EPM2A: variants seen among roughly 807,000 people sequenced by gnomAD.
The protein encoded by EPM2A is EPM2A glucan phosphatase, laforin, also known as laforin.
Under a neutral mutation model 26.5 loss-of-function variants are expected in EPM2A, and 21 were observed. The ratio of observed to expected loss-of-function variants is 0.79; its 90% CI spans 0.56 to 1.14. The LOEUF is 1.14. Ranked by LOEUF, EPM2A falls within the 50% of genes most tolerant of loss-of-function variation. The pLI, the probability that EPM2A is intolerant of heterozygous loss-of-function variation, is 0.00. For synonymous variants in EPM2A, 217 were observed against 177.6 expected (o/e 1.22, Z -1.76); for missense variants, 458 against 440.8 (o/e 1.04, Z -0.35).
chr6:145,601,666 T>C (rs182988535), intron 2 of EPM2A, among the ~76,000 whole-genome samples: 332 of 152,332 alleles, frequency 2.2e-3, no homozygotes, highest in Middle Eastern at 6.8e-3. Context: ...ATTTAGAGTG[T>C]TGTACATCAT....
At chr6:145,661,844 G>A (rs765858797) in intron 2 of EPM2A, among the ~76,000 whole-genome samples, 4 of 151,966 alleles carry the variant, frequency 2.6e-5, no homozygotes, top group African/African-American at 4.8e-5. Flanking sequence ...TGATCAATAC[G>A]TGTGATCACT....
intron 1 of EPM2A, among the ~76,000 whole-genome samples, chr6:145,713,186 G>A (rs764366461): frequency 2.6e-5 from 4 of 152,074 alleles, no homozygotes; most frequent in African/African-American, 9.7e-5. Flanking sequence ...AGCACTGTAC[G>A]AAACTAATGC....
intron 4 of EPM2A, among the ~76,000 whole-genome samples, chr6:145,460,513 C>G (rs955421068): frequency 6.6e-6 from 1 of 152,168 alleles, no homozygotes; most frequent in East Asian, 1.9e-4. Flanking sequence ...GAAAACACCT[C>G]ACACTGGGTT....
chr6:145,396,332 C>A (rs1476673647), intron 4 of EPM2A, among the ~76,000 whole-genome samples: 1 of 152,172 alleles, frequency 6.6e-6, no homozygotes, highest in East Asian at 1.9e-4. Flanking sequence ...CTTCTCCAGA[C>A]TCTCACTATT....
chr6:145,501,932 T>A (rs562185978), intron 3 of EPM2A: 1 of 463,004 alleles, frequency 2.2e-6, no homozygotes, highest in East Asian at 7.0e-5. Context: ...AGGCTTAGAC[T>A]GGAAGACTTT....
At chr6:145,392,446 G>A (rs1778350795) in intron 4 of EPM2A, among the ~76,000 whole-genome samples, 1 of 152,026 alleles carries the variant, frequency 6.6e-6, no homozygotes, top group South Asian at 2.1e-4. Context: ...CTCCTTTAAT[G>A]CCAGCAACAG....
intron 2 of EPM2A, among the ~76,000 whole-genome samples, chr6:145,571,995 C>A (rs1780964596): frequency 6.6e-6 from 1 of 152,164 alleles, no homozygotes; most frequent in Non-Finnish European, 1.5e-5. Context: ...TCTTTGTCAC[C>A]AACTTTTCAA....
chr6:145,458,411 A>C (rs2114714548), intron 4 of EPM2A, among the ~76,000 whole-genome samples: 1 of 152,332 alleles, frequency 6.6e-6, no homozygotes. Flanking sequence ...TCACAGGCAG[A>C]GAACAACCAT....
intron 2 of EPM2A, among the ~76,000 whole-genome samples, chr6:145,568,919 C>G (rs1780919932): frequency 6.6e-6 from 1 of 152,162 alleles, no homozygotes; most frequent in South Asian, 2.1e-4. Context: ...TCAAGCCACT[C>G]TAGTTTGCTG....
chr6:145,554,191 C>T (rs1014691813), intron 2 of EPM2A, among the ~76,000 whole-genome samples: 12 of 151,872 alleles, frequency 7.9e-5, no homozygotes, highest in African/African-American at 2.9e-4. Context: ...AAAACATCCC[C>T]TAACGATGGA....
At position 145,735,298 on chromosome 6, in the gene EPM2A, C is replaced by A; in HGVS notation, c.201G>T (p.Ala67=). 6.8e-7 allele frequency: 1 copy of A among 1,477,908 alleles called. No homozygotes were observed. The highest frequency in any genetic ancestry group is 9.0e-7 in the Non-Finnish European group (1 of 1,112,554). 91.5% of individuals were successfully genotyped at this position (1,477,908 alleles called of 1,614,324 possible). The part of the protein sequence containing the change: ...PGLWLGEVEL[A]AEEAAQDGAE... ...CCCCGTCCTGCGCCGCCTCCTCGGCCGCCAGCTCCACCTCCCCGAGCCACA... is the reference window on the plus strand; with the variant it reads ...CCCCGTCCTGCGCCGCCTCCTCGGCAGCCAGCTCCACCTCCCCGAGCCACA... The change falls in exon 1 of 4, where the codon GCG becomes GCT. Residue 67 remains alanine (A), a synonymous_variant. Coordinates refer to ENST00000367519, the MANE Select transcript of EPM2A (RefSeq NM_005670.4).
chr6:145,517,666 A>G (rs1265627757), intron 2 of EPM2A, among the ~76,000 whole-genome samples: 2 of 152,202 alleles, frequency 1.3e-5, no homozygotes, highest in African/African-American at 4.8e-5. Flanking sequence ...CAATATCTTT[A>G]ATATGCTCAG....
chr6:145,455,912 T>C (rs1779257242), intron 4 of EPM2A, among the ~76,000 whole-genome samples: 1 of 152,244 alleles, frequency 6.6e-6, no homozygotes, highest in Non-Finnish European at 1.5e-5. Flanking sequence ...GTTTGAATAT[T>C]CAGTTTTAGA....
chr6:145,458,121 A>G (rs1779284468), intron 4 of EPM2A, among the ~76,000 whole-genome samples: 1 of 152,210 alleles, frequency 6.6e-6, no homozygotes, highest in Non-Finnish European at 1.5e-5. Flanking sequence ...TCATTCTTAG[A>G]GTATTTCAAG....
chr6:145,615,479 T>TG (rs775804085), intron 2 of EPM2A, among the ~76,000 whole-genome samples: 1 of 151,936 alleles, frequency 6.6e-6, no homozygotes, highest in Non-Finnish European at 1.5e-5. Flanking sequence ...TACAGTAAAT[T>TG]GGGGTACCAA....
chr6:145,625,701 T>C lies in EPM2A; in HGVS notation c.*1715A>G, dbSNP rs1392118461. On this transcript the variant is annotated 3_prime_UTR_variant, in exon 4 of 4. Transcript: ENST00000367519. Reference sequence around the variant, plus strand: ...TAAATTTAACTTTGTAAAATTATAGTGGAAATGTGTCCTGGCTAGCTGCCT... The same window carrying C: ...TAAATTTAACTTTGTAAAATTATAGCGGAAATGTGTCCTGGCTAGCTGCCT... 1 of 789,522 alleles carries C rather than the reference T, an allele frequency of 1.3e-6. No individual in the cohort carries two copies. The highest frequency in any genetic ancestry group is 2.3e-6 in the Non-Finnish European group (1 of 430,338). 48.9% of individuals were successfully genotyped at this position (789,522 alleles called of 1,614,324 possible).
chr6:145,705,769 T>C (rs1011043275), intron 1 of EPM2A: 1 of 423,344 alleles, frequency 2.4e-6, no homozygotes, highest in Non-Finnish European at 4.8e-6. Flanking sequence ...TCTCATATTT[T>C]ACTGGCCAAA....
At chr6:145,429,061 T>A (rs1582748144) in intron 4 of EPM2A, among the ~76,000 whole-genome samples, 1 of 152,218 alleles carries the variant, frequency 6.6e-6, no homozygotes, top group Non-Finnish European at 1.5e-5. Context: ...TTTTAGATAA[T>A]CACTAGATTC....
intron 1 of EPM2A, among the ~76,000 whole-genome samples, chr6:145,707,995 A>C (rs943248207): frequency 4.6e-5 from 7 of 152,208 alleles, no homozygotes; most frequent in African/African-American, 1.7e-4. Flanking sequence ...TGAAGTCCAG[A>C]CTGAGGTGGT....
Sources: allele counts gnomAD v4.1 joint callset (sites outside exome capture counted in the v4.1 genomes callset), GRCh38; gene constraint gnomAD v4.1.1; transcripts MANE v1.5; gene names NCBI Gene and HGNC (gene_info 2026-07-23, HGNC 2026-07-21).